The following NBPF9 variants were observed in gnomAD, a reference collection of about 807,000 sequenced individuals.
NBPF9 encodes NBPF family member NBPF9.
NBPF9 carries 91 observed loss-of-function variants against 97.8 expected under a neutral mutation model. The observed-to-expected ratio is 0.93, with a 90% confidence interval of 0.79 to 1.11. The LOEUF (loss-of-function observed/expected upper bound fraction) is 1.11. NBPF9 is among the 50% of genes least tolerant of loss of function. The probability of loss-of-function intolerance (pLI) is 0.00; values close to 1 mark genes in which losing one functional copy is unlikely to be tolerated. For synonymous variants in NBPF9, 334 were observed against 359.5 expected, an observed-to-expected ratio of 0.93 and a Z score of 0.80; for missense variants, 992 against 939.5, an observed-to-expected ratio of 1.06 and a Z score of -0.73.
intron 4 of NBPF9, among the ~76,000 whole-genome samples, chr1:149,097,692 T>A (rs1464292152): frequency 2.0e-5 from 3 of 152,008 alleles, no homozygotes; most frequent in African/African-American, 7.3e-5. Context: ...CCTGCAGTGG[T>A]GGGTTCCATG....
chr1:149,076,505 A>AT (rs587753430), intron 11 of NBPF9, among the ~76,000 whole-genome samples: 1,245 of 122,892 alleles, frequency 0.01, 33 homozygotes, highest in Middle Eastern at 0.03. Flanking sequence ...CAGAGACTTT[A>AT]TTTTTTTTTT....
At chr1:149,087,828 CTTTTTTTTTTTT>C (rs60084667) in intron 5 of NBPF9, among the ~76,000 whole-genome samples, 1 of 88,556 alleles carries the variant, frequency 1.1e-5, no homozygotes, top group African/African-American at 5.2e-5. Flanking sequence ...GTTGACTTTC[CTTTTTTTTTTTT>C]TTTTTTTTTT....
intron 20 of NBPF9, 133 bp from the exon 21 acceptor site, chr1:149,063,046 C>T (rs1472779705): frequency 1.2e-5 from 7 of 563,760 alleles, no homozygotes; most frequent in Admixed American, 1.2e-4. Context: ...AGATATTCTT[C>T]AGGAGGCCTG....
intron 5 of NBPF9, among the ~76,000 whole-genome samples, chr1:149,086,773 C>G (rs1289528278): frequency 1.3e-5 from 2 of 151,818 alleles, no homozygotes; most frequent in East Asian, 3.9e-4. Context: ...TTGCAGAAGT[C>G]AAAACTCTCT....
chr1:149,078,897 G>A (rs1553655502), intron 9 of NBPF9, 110 bp downstream of exon 9: 1 of 1,590,662 alleles, frequency 6.3e-7, no homozygotes, highest in African/African-American at 1.3e-5. Context: ...GGCCACATAT[G>A]TGTAGCAGAA....
At chr1:149,076,188 A>T (rs1242537800) in intron 11 of NBPF9, among the ~76,000 whole-genome samples, 5 of 151,396 alleles carry the variant, frequency 3.3e-5, no homozygotes, top group African/African-American at 2.4e-5. Flanking sequence ...TGCTTTTTTA[A>T]TTTTTTTCTT....
chr1:149,055,286 T>C (rs1161985986), exon 30 of NBPF9: 1 of 395,254 alleles, frequency 2.5e-6, no homozygotes, highest in South Asian at 2.6e-5. Flanking sequence ...GGTAACACCT[T>C]TGGATGAGCT....
rs1407852429 is a variant in NBPF9 at position 149,059,605 on chromosome 1, T to C, written c.2585+95A>G. The stretch of plus-strand genomic sequence containing the variant: ...GACAGTAGGAGTAATTCAGCCTTCG[T>C]TGAAAACGTGACATCAAACACACTC... On this transcript the variant is annotated intron_variant, in intron 25 of 29. Coordinates refer to ENST00000584027, the Ensembl canonical transcript of NBPF9. 3.5e-5 allele frequency: 18 copies of C among 518,384 alleles called. 5 individuals are homozygous for C. Among genetic ancestry groups the C allele is most frequent in the Non-Finnish European group, 4.9e-5 (14 of 285,048 alleles). 32.1% of individuals were successfully genotyped at this position (518,384 alleles called of 1,614,324 possible).
intron 5 of NBPF9, among the ~76,000 whole-genome samples, chr1:149,086,807 C>T (rs1368351153): frequency 6.6e-6 from 1 of 152,146 alleles, no homozygotes; most frequent in Non-Finnish European, 1.5e-5. Context: ...ATCTGTGTCT[C>T]GTTACTGAGC....
chr1:149,081,303 G>T lies in NBPF9; in HGVS notation c.175+662C>A, dbSNP rs1553656678. Among the ~76,000 whole-genome samples the T allele has an allele frequency of 2.0e-5, 3 of 151,958 alleles. No individual in the cohort carries two copies. The South Asian group carries it at 6.3e-4, about 32-fold the overall frequency. On this transcript the variant is annotated intron_variant, in intron 7 of 29. Transcript: ENST00000584027. The stretch of plus-strand genomic sequence containing the variant: ...CCCATCTACTTTTTGTATTTTTAGT[G>T]GAGATGGGGTTTCTCCATGTTGCCC...
At chr1:149,089,779 CCTTT>C (rs1159797954) in intron 5 of NBPF9, among the ~76,000 whole-genome samples, 3 of 152,306 alleles carry the variant, frequency 2.0e-5, no homozygotes, top group Non-Finnish European at 4.4e-5. Context: ...TTATTTCATG[CCTTT>C]CTAATTTGAC....
chr1:149,055,245 C>T (rs587598560), exon 30 of NBPF9: 33 of 299,202 alleles, frequency 1.1e-4, no homozygotes, highest in Admixed American at 1.9e-4. Context: ...ACTGAAGACA[C>T]GAAGAATGAG....
intron 5 of NBPF9, among the ~76,000 whole-genome samples, chr1:149,087,685 G>A (rs1313549657): frequency 2.0e-5 from 3 of 150,788 alleles, no homozygotes; most frequent in African/African-American, 7.3e-5. Context: ...ATCAATTTAC[G>A]AAGAACTGAC....
intron 4 of NBPF9, among the ~76,000 whole-genome samples, chr1:149,097,068 A>AGGAGGAAG (rs1224737343): frequency 8.0e-5 from 11 of 137,818 alleles, no homozygotes; most frequent in Non-Finnish European, 6.2e-5. Flanking sequence ...GAGGGAAGGA[A>AGGAGGAAG]GGAGGAAGGG....
intron 5 of NBPF9, among the ~76,000 whole-genome samples, chr1:149,089,767 G>C (rs1410984163): frequency 6.6e-6 from 1 of 152,308 alleles, no homozygotes; most frequent in Admixed American, 6.5e-5. Flanking sequence ...TAAAGGGCTA[G>C]TTTATTTCAT....
At chr1:149,093,828 ATCTC>A (rs1482303014) in intron 4 of NBPF9, among the ~76,000 whole-genome samples, 1 of 123,590 alleles carries the variant, frequency 8.1e-6, no homozygotes, top group African/African-American at 3.2e-5. Context: ...TAACAATCTG[ATCTC>A]TCTTTCTTTT....
At chr1:149,089,431 T>G (rs1447250072) in intron 5 of NBPF9, among the ~76,000 whole-genome samples, 3 of 152,250 alleles carry the variant, frequency 2.0e-5, no homozygotes, top group Non-Finnish European at 4.4e-5. Context: ...AATACGGACC[T>G]CACCTTCCTC....
At chr1:149,064,816 G>A in intron 18 of NBPF9, 4 of 561,252 alleles carry the variant, frequency 7.1e-6, no homozygotes, top group South Asian at 6.4e-5. Flanking sequence ...TCAATATTAA[G>A]CTTTCTCTCA....
intron 12 of NBPF9, among the ~76,000 whole-genome samples, chr1:149,075,431 G>A (rs2079775156): frequency 6.6e-6 from 1 of 152,220 alleles, no homozygotes. Flanking sequence ...ATAAATGGCA[G>A]TTTAACTCTA....
Sources: allele counts gnomAD v4.1 joint callset (sites outside exome capture counted in the v4.1 genomes callset), GRCh38; gene constraint gnomAD v4.1.1; transcripts MANE v1.5; gene names NCBI Gene and HGNC (gene_info 2026-07-23, HGNC 2026-07-21).